The following ANXA6 variants were observed in gnomAD, a reference collection of about 807,000 sequenced individuals.
ANXA6 encodes 67 kDa calelectrin.
A neutral mutation model predicts 95.4 loss-of-function variants in ANXA6; 71 were observed. The observed-to-expected ratio is 0.74, with a 90% CI of 0.61 to 0.91. The LOEUF is 0.91. ANXA6 is among the 40% of genes least tolerant of loss of function. The pLI, the probability that ANXA6 is intolerant of heterozygous loss-of-function variation, is 0.00. For synonymous variants in ANXA6, 289 were observed against 315.9 expected (o/e 0.91, Z 0.90); for missense variants, 830 against 876.4 (o/e 0.95, Z 0.67).
Position 151,134,441 on chromosome 5 carries a change from G to A in ANXA6, c.532C>T (p.Gln178Ter). The A allele has an allele frequency of 6.2e-7, 1 of 1,613,912 alleles. No homozygotes were observed. Among genetic ancestry groups the A allele is most frequent in the South Asian group, 1.1e-5 (1 of 91,074 alleles). Reference protein sequence around the residue: ...EDDVVSEDLVQQDVQDLYEAG... With the variant: ...EDDVVSEDLV ...TGCTTGTTTACCTGGACATCCTGTT[G>A]TACCAGGTCCTCGCTCACTACGTCA... is the stretch of plus-strand genomic sequence containing the variant. The change falls in exon 8 of 26, where the codon CAA (glutamine) becomes TAA (stop). Residue 178 changes from glutamine to a stop codon, truncating the protein, a stop_gained. Coordinates refer to ENST00000354546, the MANE Select transcript of ANXA6 (RefSeq NM_001155.5). LOFTEE classifies it high-confidence loss of function.
intron 2 of ANXA6, among the ~76,000 whole-genome samples, chr5:151,147,608 C>A (rs1183570650): frequency 2.6e-5 from 4 of 152,218 alleles, no homozygotes; most frequent in Non-Finnish European, 4.4e-5. Flanking sequence ...CATTTGGAAA[C>A]CCCTGGATTC....
In ANXA6 at chr5:151,122,903, G is replaced by C; in HGVS notation, c.1233+14C>G. On this transcript the variant is annotated intron_variant, in intron 16 of 25. Coordinates refer to ENST00000354546, the MANE Select transcript of ANXA6 (RefSeq NM_001155.5). Reference sequence around the variant, plus strand: ...CATGCATGTTGCACAGAGAGCCCAGGAGGAGGTCCTTACCCGGCCAAAGTG... The same window carrying C: ...CATGCATGTTGCACAGAGAGCCCAGCAGGAGGTCCTTACCCGGCCAAAGTG... The C allele has an allele frequency of 6.2e-7, 1 of 1,612,378 alleles. No individual in the cohort carries two copies. Among genetic ancestry groups the C allele is most frequent in the Non-Finnish European group, 8.5e-7 (1 of 1,178,562 alleles).
intron 23 of ANXA6, among the ~76,000 whole-genome samples, chr5:151,106,520 C>G (rs1007098728): frequency 6.6e-6 from 1 of 152,168 alleles, no homozygotes; most frequent in African/African-American, 2.4e-5. Context: ...GCTTGAATGT[C>G]AAAGCTCCTG....
rs916355278 is a variant in ANXA6, at chr5:151,104,437, T to C, written c.1840-745A>G. ...AGGTTCGAGTCCCAGCTCTGCCTCT[T>C]AGGAGCTATGTAAATGTGGGCAACG... On this transcript the variant is annotated intron_variant, in intron 24 of 25. Coordinates refer to ENST00000354546, the MANE Select transcript of ANXA6 (RefSeq NM_001155.5). Among the ~76,000 whole-genome samples, 3 of 152,276 alleles carry C rather than the reference T, an allele frequency of 2.0e-5. No individual in the cohort carries two copies. In the Middle Eastern group the frequency reaches 0.01, roughly 521 times the overall value.
chr5:151,143,276 C>T (rs972979684), intron 2 of ANXA6, among the ~76,000 whole-genome samples: 35 of 152,184 alleles, frequency 2.3e-4, no homozygotes, highest in Non-Finnish European at 1.5e-5. Context: ...ACAACCACCA[C>T]ATAGCCCACT....
At chr5:151,146,388 A>C (rs1490175580) in intron 2 of ANXA6, among the ~76,000 whole-genome samples, 1 of 152,176 alleles carries the variant, frequency 6.6e-6, no homozygotes, top group African/African-American at 2.4e-5. Context: ...ACTTGTACAC[A>C]CAGTATACTC....
At chr5:151,146,660 G>A (rs937231617) in intron 2 of ANXA6, among the ~76,000 whole-genome samples, 43 of 152,152 alleles carry the variant, frequency 2.8e-4, no homozygotes, top group Non-Finnish European at 2.1e-4. Context: ...GGACAACGGG[G>A]CCCAGTCCCA....
Position 151,110,682 on chromosome 5 carries a change from A to G in ANXA6, c.1573-38T>C, listed in dbSNP as rs766487252. On this transcript the variant is annotated intron_variant, in intron 20 of 25. Transcript: ENST00000354546. ...AGGGGAGAGAGGAGGGAGAGAAGGG[A>G]GGCAAGAGTCAGAGGAGGTTGGGGA... 5.0e-6 allele frequency: 8 copies of G among 1,612,188 alleles called. No homozygotes were observed. The Admixed American group carries it at 6.7e-5, about 13-fold the overall frequency.
intron 25 of ANXA6, 35 bp downstream of exon 25, chr5:151,103,535 C>A: frequency 6.3e-7 from 1 of 1,589,844 alleles, no homozygotes; most frequent in Non-Finnish European, 8.6e-7. Context: ...CTGACACTCA[C>A]CCGCTTCCTG....
intron 23 of ANXA6, 41 bp from the exon 24 acceptor site, chr5:151,105,344 G>A (rs764840410): frequency 6.3e-7 from 1 of 1,598,584 alleles, no homozygotes; most frequent in Non-Finnish European, 8.6e-7. Context: ...CGTGGTCAGA[G>A]GCTGTGAACC....
At chr5:151,124,437 T>C in intron 14 of ANXA6, 70 bp from the exon 15 acceptor site, 3 of 1,485,992 alleles carry the variant, frequency 2.0e-6, no homozygotes, top group Non-Finnish European at 2.8e-6. Flanking sequence ...AAAGACAGCA[T>C]GCGAGGGTGG....
At chr5:151,134,825 C>A (rs956760621) in intron 7 of ANXA6, among the ~76,000 whole-genome samples, 4 of 152,210 alleles carry the variant, frequency 2.6e-5, no homozygotes, top group African/African-American at 4.8e-5. Flanking sequence ...GTCCCTGCCA[C>A]AGATCCTGCA....
intron 20 of ANXA6, among the ~76,000 whole-genome samples, chr5:151,116,315 G>A (rs1764996234): frequency 6.6e-6 from 1 of 152,186 alleles, no homozygotes. Context: ...AGCTTTTGGG[G>A]GCGGGAAAAT....
At chr5:151,136,053 T>G (rs1301477445) in intron 7 of ANXA6, among the ~76,000 whole-genome samples, 3 of 151,560 alleles carry the variant, frequency 2.0e-5, no homozygotes, top group African/African-American at 7.3e-5. Context: ...GGAGCGAGTG[T>G]GGAGAGAGGA....
chr5:151,117,658 G>A, intron 19 of ANXA6, 100 bp downstream of exon 19: 1 of 991,862 alleles, frequency 1.0e-6, no homozygotes, highest in Non-Finnish European at 1.6e-6. Flanking sequence ...TCCATCAGGA[G>A]TGCACTTCTA....
intron 2 of ANXA6, chr5:151,140,625 C>T (rs1336938686): frequency 1.4e-5 from 2 of 145,680 alleles, no homozygotes; most frequent in Non-Finnish European, 3.0e-5. Context: ...TGGGGTCTCA[C>T]TCTATTGCCC....
At chr5:151,146,797 G>GT (rs1452308594) in intron 2 of ANXA6, among the ~76,000 whole-genome samples, 2 of 152,134 alleles carry the variant, frequency 1.3e-5, no homozygotes, top group Admixed American at 6.5e-5. Flanking sequence ...GTAGAGTGGG[G>GT]TTTTTTGTTT....
At chr5:151,118,311 G>A (rs1448498077) in intron 18 of ANXA6, among the ~76,000 whole-genome samples, 1 of 151,218 alleles carries the variant, frequency 6.6e-6, no homozygotes, top group East Asian at 1.9e-4. Flanking sequence ...CCAGGCTGGA[G>A]TGCAGTTGGC....
At chr5:151,152,475 A>T (rs1202714698) in intron 1 of ANXA6, among the ~76,000 whole-genome samples, 2 of 152,204 alleles carry the variant, frequency 1.3e-5, no homozygotes, top group Non-Finnish European at 2.9e-5. Context: ...TTCATCCTGA[A>T]ATGACCCTCT....
Sources: allele counts gnomAD v4.1 joint callset (sites outside exome capture counted in the v4.1 genomes callset), GRCh38; gene constraint gnomAD v4.1.1; transcripts MANE v1.5; gene names NCBI Gene and HGNC (gene_info 2026-07-23, HGNC 2026-07-21).